Variants in SPAG16 observed in about 807,000 individuals in gnomAD.
The protein encoded by SPAG16 is sperm associated antigen 16, also known as sperm-associated antigen 16 protein.
A neutral mutation model predicts 80.4 loss-of-function variants in SPAG16; 86 were observed. The ratio of observed to expected loss-of-function variants is 1.07; its 90% CI spans 0.90 to 1.28. The LOEUF (loss-of-function observed/expected upper bound fraction) is 1.28, where lower values mean the gene tolerates loss of function less well. Ranked by LOEUF, SPAG16 falls within the 50% of genes most tolerant of loss-of-function variation. The pLI is 0.00. For synonymous variants in SPAG16, 294 were observed against 265.9 expected (o/e 1.11, Z -1.03); for missense variants, 870 against 765.3 (o/e 1.14, Z -1.61).
intron 15 of SPAG16, among the ~76,000 whole-genome samples, chr2:214,170,266 A>T (rs188436358): frequency 5.1e-5 from 7 of 136,942 alleles, no homozygotes; most frequent in Non-Finnish European, 8.6e-5. Flanking sequence ...ATACACACAC[A>T]CTTAGGTGTG....
intron 10 of SPAG16, among the ~76,000 whole-genome samples, chr2:213,688,548 G>C (rs571551299): frequency 1.3e-5 from 2 of 152,134 alleles, no homozygotes; most frequent in African/African-American, 4.8e-5. Context: ...AGTCAGATTG[G>C]AAAGTAAGTC....
intron 10 of SPAG16, among the ~76,000 whole-genome samples, chr2:213,845,281 T>A (rs1398717841): frequency 6.6e-6 from 1 of 150,648 alleles, no homozygotes; most frequent in Non-Finnish European, 1.5e-5. Flanking sequence ...CACTGCAACC[T>A]CCATCTCCTG....
chr2:213,352,032 G>A lies in SPAG16; in HGVS notation c.762+1387G>A, dbSNP rs112219257. ...CAAGAGATCTGGTGGTTGTATAAGC[G>A]TCTGGCATTTCTTTTGCTTGCACTC... On this transcript the variant is annotated intron_variant, in intron 7 of 15. Transcript: ENST00000331683. Among the ~76,000 whole-genome samples, 1,377 of 151,968 alleles carry A rather than the reference G, an allele frequency of 9.1e-3. 18 individuals are homozygous for A. Among genetic ancestry groups the A allele is most frequent in the African/African-American group, 0.031 (1,275 of 41,440 alleles).
chr2:213,422,059 G>A (rs2069627117), intron 9 of SPAG16: 1 of 605,044 alleles, frequency 1.7e-6, no homozygotes, highest in Admixed American at 2.6e-5. Context: ...AATGAACTCG[G>A]GACCCACTAA....
chr2:213,745,951 T>C (rs767122145), intron 10 of SPAG16, among the ~76,000 whole-genome samples: 2 of 152,204 alleles, frequency 1.3e-5, no homozygotes, highest in Non-Finnish European at 2.9e-5. Context: ...CTTTATGTCT[T>C]GATTTCTCGT....
intron 10 of SPAG16, among the ~76,000 whole-genome samples, chr2:213,812,116 A>G (rs970158024): frequency 4.6e-5 from 7 of 152,198 alleles, no homozygotes; most frequent in Admixed American, 2.0e-4. Flanking sequence ...CAGGAACCTG[A>G]TAAGTGAACT....
intron 10 of SPAG16, among the ~76,000 whole-genome samples, chr2:213,684,880 A>G (rs1005260796): frequency 6.6e-5 from 10 of 152,240 alleles, no homozygotes; most frequent in Non-Finnish European, 2.9e-5. Context: ...GGGAACAACT[A>G]TGGGTTTAAG....
intron 10 of SPAG16, among the ~76,000 whole-genome samples, chr2:213,514,546 C>T (rs2125825658): frequency 6.6e-6 from 1 of 151,690 alleles, no homozygotes; most frequent in South Asian, 2.1e-4. Context: ...ATACATGTGC[C>T]ATGCTGGTGC....
At chr2:214,165,358 G>A (rs1340794591) in intron 15 of SPAG16, among the ~76,000 whole-genome samples, 3 of 149,870 alleles carry the variant, frequency 2.0e-5, no homozygotes, top group Non-Finnish European at 4.4e-5. Flanking sequence ...CTGCATACCC[G>A]TTTATAGGTT....
At chr2:213,953,176 A>G (rs754863231) in intron 12 of SPAG16, among the ~76,000 whole-genome samples, 2 of 152,036 alleles carry the variant, frequency 1.3e-5, no homozygotes, top group African/African-American at 4.8e-5. Flanking sequence ...GTTTAAAACT[A>G]TATTTTTAAT....
At chr2:213,817,796 C>T (rs540589537) in intron 10 of SPAG16, among the ~76,000 whole-genome samples, 2 of 152,112 alleles carry the variant, frequency 1.3e-5, no homozygotes, top group East Asian at 3.9e-4. Flanking sequence ...AAGATGGCAA[C>T]AATAGACTGG....
At chr2:214,107,205 A>G (rs1034831280) in intron 13 of SPAG16, among the ~76,000 whole-genome samples, 8 of 152,142 alleles carry the variant, frequency 5.3e-5, no homozygotes, top group African/African-American at 1.9e-4. Context: ...AGTACATTTT[A>G]TGCCTTTATC....
chr2:213,534,571 A>G (rs1559229483), intron 10 of SPAG16, among the ~76,000 whole-genome samples: 1 of 152,150 alleles, frequency 6.6e-6, no homozygotes, highest in South Asian at 2.1e-4. Flanking sequence ...TAAACTATGA[A>G]TTTACACAAA....
chr2:213,339,376 A>G (rs988607960), intron 5 of SPAG16, among the ~76,000 whole-genome samples: 9 of 152,224 alleles, frequency 5.9e-5, no homozygotes, highest in Non-Finnish European at 1.2e-4. Flanking sequence ...ATGCTGTAGC[A>G]CTTTGTCAGT....
rs1205534471 is a variant in SPAG16 at position 213,832,613 on chromosome 2, G to A, written c.1071-29872G>A. Among the ~76,000 whole-genome samples the A allele has an allele frequency of 2.0e-5, 3 of 152,046 alleles. No homozygotes were observed. In the East Asian group the frequency reaches 5.8e-4, roughly 29 times the overall value. ...CAGAGGAGTCCAGCCCTATACCTAG[G>A]AGAGAGGAATCCTACACAGAGAGGC... On this transcript the variant is annotated intron_variant, in intron 10 of 15. Coordinates refer to ENST00000331683, the MANE Select transcript of SPAG16 (RefSeq NM_024532.5).
At chr2:213,408,752 T>C (rs985759981) in intron 9 of SPAG16, among the ~76,000 whole-genome samples, 4 of 152,182 alleles carry the variant, frequency 2.6e-5, no homozygotes, top group Non-Finnish European at 5.9e-5. Flanking sequence ...TGCCTAATAA[T>C]TGGTCTGCTC....
chr2:213,383,741 A>T (rs1315159443), intron 9 of SPAG16, among the ~76,000 whole-genome samples: 1 of 152,216 alleles, frequency 6.6e-6, no homozygotes, highest in Non-Finnish European at 1.5e-5. Flanking sequence ...ATCATAACAC[A>T]CAAAGCTTAT....
At chr2:213,591,611 G>A (rs2060692968) in intron 10 of SPAG16, among the ~76,000 whole-genome samples, 1 of 152,170 alleles carries the variant, frequency 6.6e-6, no homozygotes. Context: ...CATCATGATA[G>A]GTATAGAAAC....
intron 10 of SPAG16, among the ~76,000 whole-genome samples, chr2:213,830,784 T>C (rs528786277): frequency 9.9e-5 from 15 of 152,248 alleles, no homozygotes; most frequent in African/African-American, 3.4e-4. Context: ...TCAGTCCTTT[T>C]CCATCACAAA....
Sources: allele counts gnomAD v4.1 joint callset (sites outside exome capture counted in the v4.1 genomes callset), GRCh38; gene constraint gnomAD v4.1.1; transcripts MANE v1.5; gene names NCBI Gene and HGNC (gene_info 2026-07-23, HGNC 2026-07-21).